The following PCDH11X variants were observed in gnomAD, a reference collection of about 807,000 sequenced individuals.
The protein encoded by PCDH11X is protocadherin-11 X-linked.
PCDH11X carries 18 observed loss-of-function variants against 53.3 expected under a neutral mutation model. That is an observed-to-expected ratio of 0.34 (90% CI 0.23 to 0.50). PCDH11X has a LOEUF of 0.50. Ranked by LOEUF, PCDH11X falls within the 20% of genes least tolerant of loss-of-function variation. The probability of loss-of-function intolerance (pLI) is 0.98; values close to 1 mark genes in which losing one functional copy is unlikely to be tolerated. For synonymous variants in PCDH11X, 279 were observed against 393.3 expected, an observed-to-expected ratio of 0.71 and a Z score of 3.44; for missense variants, 570 against 1,032.4, an observed-to-expected ratio of 0.55 and a Z score of 6.14.
intron 8 of PCDH11X, among the ~76,000 whole-genome samples, chrX:92,280,791 TAA>T (rs1045628472): frequency 8.4e-5 from 9 of 106,744 alleles, no homozygotes; most frequent in Non-Finnish European, 1.2e-4. Flanking sequence ...ATATTTTTTT[TAA>T]AAAAAAATTG....
At chrX:91,828,911 G>A (rs949242328) in intron 4 of PCDH11X, among the ~76,000 whole-genome samples, 3 of 110,676 alleles carry the variant, frequency 2.7e-5, no homozygotes, top group African/African-American at 1.0e-4. Context: ...CATCAACTTG[G>A]ATCTTGTTTT....
At chrX:92,344,172 G>A (rs2148518374) in intron 8 of PCDH11X, among the ~76,000 whole-genome samples, 1 of 103,271 alleles carries the variant, frequency 9.7e-6, no homozygotes, top group African/African-American at 3.5e-5. Flanking sequence ...ATATAGTAGG[G>A]ACTCCATAAA....
At chrX:91,837,107 C>T (rs111758412) in intron 5 of PCDH11X, among the ~76,000 whole-genome samples, 226 of 106,093 alleles carry the variant, frequency 2.1e-3, no homozygotes, top group African/African-American at 7.4e-3. Context: ...ATAAGACATT[C>T]TGATATATAT....
intron 6 of PCDH11X, among the ~76,000 whole-genome samples, chrX:92,198,552 C>T (rs1603159893): frequency 2.7e-5 from 3 of 110,392 alleles, no homozygotes; most frequent in Middle Eastern, 9.6e-3. Context: ...GTGCAACACT[C>T]TCAGGAAAAC....
At chrX:91,947,346 A>G (rs1201730543) in intron 6 of PCDH11X, among the ~76,000 whole-genome samples, 1 of 106,733 alleles carries the variant, frequency 9.4e-6, no homozygotes, top group Non-Finnish European at 1.9e-5. Flanking sequence ...TGCAGAAGTC[A>G]TCTATTTCTC....
At chrX:92,175,995 C>A (rs2065904345) in intron 6 of PCDH11X, among the ~76,000 whole-genome samples, 1 of 110,617 alleles carries the variant, frequency 9.0e-6, no homozygotes. Context: ...CTTAAAACCA[C>A]AGAAGAAGTT....
rs914423859 is a variant in PCDH11X at position 91,874,079 on chromosome X, G to A, written c.541-2702G>A. 1.9e-4 allele frequency among the ~76,000 whole-genome samples: 21 copies of A among 110,479 alleles called. No individual in the cohort carries two copies. The Admixed American group carries it at 2.0e-3, about 11-fold the overall frequency. On this transcript the variant is annotated intron_variant, in intron 5 of 10. Transcript: ENST00000682573. ...TAGCCACTCAGTATTGGAATGTCAA[G>A]GATTAAAAGAATAGTATTAAGTGCC...
At chrX:92,225,235 G>A (rs2066948484) in intron 7 of PCDH11X, among the ~76,000 whole-genome samples, 1 of 109,115 alleles carries the variant, frequency 9.2e-6, no homozygotes, top group African/African-American at 3.3e-5. Flanking sequence ...AACTATTTTT[G>A]CCATATGTCT....
intron 6 of PCDH11X, among the ~76,000 whole-genome samples, chrX:92,112,752 T>A (rs1411509456): frequency 1.8e-5 from 2 of 108,763 alleles, no homozygotes; most frequent in East Asian, 2.8e-4. Flanking sequence ...AATTTTTTTT[T>A]AAATCATGGC....
chrX:91,840,868 A>C (rs1937503014), intron 5 of PCDH11X, among the ~76,000 whole-genome samples: 2 of 109,030 alleles, frequency 1.8e-5, no homozygotes, highest in Non-Finnish European at 3.8e-5. Context: ...AAACTTACTT[A>C]GTTTATTTGC....
chrX:92,131,435 C>T (rs2064969469), intron 6 of PCDH11X, among the ~76,000 whole-genome samples: 4 of 111,129 alleles, frequency 3.6e-5, no homozygotes, highest in African/African-American at 1.3e-4. Context: ...ATTTTGTTCC[C>T]GGACCAAACT....
chrX:91,935,767 C>T (rs1339570895), intron 6 of PCDH11X, among the ~76,000 whole-genome samples: 3 of 108,251 alleles, frequency 2.8e-5, no homozygotes, highest in Non-Finnish European at 3.8e-5. Flanking sequence ...CATAAATCAA[C>T]GCATGTAAGA....
At chrX:92,571,249 T>G (rs1303443442) in intron 10 of PCDH11X, among the ~76,000 whole-genome samples, 1 of 111,241 alleles carries the variant, frequency 9.0e-6, no homozygotes, top group Non-Finnish European at 1.9e-5. Context: ...TTATGTATTA[T>G]AAGGAGCAAT....
At chrX:91,968,757 T>C (rs2061902691) in intron 6 of PCDH11X, among the ~76,000 whole-genome samples, 2 of 111,550 alleles carry the variant, frequency 1.8e-5, no homozygotes, top group South Asian at 3.7e-4. Flanking sequence ...CCATGCCACA[T>C]TGAAATATTG....
At chrX:91,958,849 CT>C (rs1300697807) in intron 6 of PCDH11X, among the ~76,000 whole-genome samples, 1 of 107,352 alleles carries the variant, frequency 9.3e-6, no homozygotes, top group East Asian at 2.9e-4. Context: ...TCTTCTCTCA[CT>C]GTTTAAATTT....
rs780919999 is a variant in PCDH11X at position 91,836,090 on chromosome X, A to G, written c.540+46A>G. ...GTTAAAGATATCATCTCATTTTTTA[A>G]AGAGTAAAATAAAATGATATTAATG... On this transcript the variant is annotated intron_variant, in intron 5 of 10. Coordinates refer to ENST00000682573, the MANE Select transcript of PCDH11X (RefSeq NM_032968.5). The G allele has an allele frequency of 8.9e-5, 101 of 1,136,779 alleles. No individual in the cohort carries two copies. In the East Asian group the frequency reaches 3.1e-3, roughly 35 times the overall value. 93.7% of individuals were successfully genotyped at this position (1,136,779 alleles called of 1,213,427 possible).
At chrX:92,168,403 A>T (rs755976954) in intron 6 of PCDH11X, among the ~76,000 whole-genome samples, 1 of 110,920 alleles carries the variant, frequency 9.0e-6, no homozygotes. Flanking sequence ...TACAAAAAAT[A>T]AAAAATTAGC....
intron 10 of PCDH11X, among the ~76,000 whole-genome samples, chrX:92,526,088 A>T (rs919932963): frequency 5.4e-5 from 6 of 111,434 alleles, no homozygotes; most frequent in Non-Finnish European, 9.4e-5. Flanking sequence ...AATAAAATTC[A>T]TTCTTAATTC....
chrX:92,388,165 A>G (rs1373357274), intron 9 of PCDH11X, among the ~76,000 whole-genome samples: 1 of 111,666 alleles, frequency 9.0e-6, no homozygotes. Flanking sequence ...GACTTTGTTA[A>G]GGCATAGATA....
Sources: gnomAD v4.1 joint callset for allele counts (sites outside exome capture counted in the v4.1 genomes callset) on GRCh38, gnomAD v4.1.1 for gene constraint, MANE v1.5 for transcripts, NCBI Gene and HGNC (gene_info 2026-07-23, HGNC 2026-07-21) for gene names.